UGT1A8: variants seen among roughly 807,000 people sequenced by gnomAD.
UGT1A8 encodes UDP-glucuronosyltransferase 1A8.
A neutral mutation model predicts 45.3 loss-of-function variants in UGT1A8; 39 were observed. The ratio of observed to expected loss-of-function variants is 0.86; its 90% CI spans 0.67 to 1.12. The LOEUF (loss-of-function observed/expected upper bound fraction) is 1.12, where lower values mean the gene tolerates loss of function less well. Among genes scored for constraint, UGT1A8 ranks in the 50% most tolerant of loss-of-function variants. The probability of loss-of-function intolerance (pLI) is 0.00; values close to 1 mark genes in which losing one functional copy is unlikely to be tolerated. For synonymous variants in UGT1A8, 275 were observed against 249.2 expected (o/e 1.10, Z -0.97); for missense variants, 719 against 664.9 (o/e 1.08, Z -0.90).
At chr2:233,664,325 AG>A (rs2125492565) in intron 1 of UGT1A8, among the ~76,000 whole-genome samples, 1 of 152,240 alleles carries the variant, frequency 6.6e-6, no homozygotes, top group South Asian at 2.1e-4. Context: ...CAAGTTCCAA[AG>A]TTGCTTCCAA....
At chr2:233,670,599 C>T (rs1381463250) in intron 1 of UGT1A8, among the ~76,000 whole-genome samples, 1 of 152,226 alleles carries the variant, frequency 6.6e-6, no homozygotes, top group Non-Finnish European at 1.5e-5. Context: ...TTCAAAAGCA[C>T]TCATCTCCAT....
chr2:233,719,860 C>G (rs995167263), intron 1 of UGT1A8, among the ~76,000 whole-genome samples: 4 of 152,118 alleles, frequency 2.6e-5, no homozygotes, highest in African/African-American at 9.7e-5. Flanking sequence ...TCAGTGGTCA[C>G]TGAGAGGAAG....
intron 1 of UGT1A8, chr2:233,672,710 T>C (rs1411947068): frequency 6.2e-7 from 1 of 1,613,972 alleles, no homozygotes; most frequent in South Asian, 1.1e-5. Context: ...GACTTTGTTT[T>C]GGACTATCCC....
intron 1 of UGT1A8, chr2:233,729,551 A>G (rs749535297): frequency 1.9e-6 from 3 of 1,614,038 alleles, no homozygotes; most frequent in Non-Finnish European, 2.5e-6. Flanking sequence ...AGGCACCTGA[A>G]TGCTACTTCC....
At chr2:233,704,490 AT>A (rs1395033136) in intron 1 of UGT1A8, among the ~76,000 whole-genome samples, 8 of 152,084 alleles carry the variant, frequency 5.3e-5, no homozygotes, top group African/African-American at 1.9e-4. Context: ...TTATGATATT[AT>A]TGTTATACGT....
chr2:233,706,586 G>A (rs992112289), intron 1 of UGT1A8, among the ~76,000 whole-genome samples: 1 of 152,142 alleles, frequency 6.6e-6, no homozygotes, highest in Non-Finnish European at 1.5e-5. Flanking sequence ...GGAGATGGGA[G>A]GTGGACCTAA....
intron 1 of UGT1A8, chr2:233,729,055 T>C (rs1328959185): frequency 6.2e-7 from 1 of 1,609,844 alleles, no homozygotes; most frequent in East Asian, 2.2e-5. Context: ...GACAAGGTAA[T>C]TAAGATGAAG....
chr2:233,695,246 C>T (rs994103006), intron 1 of UGT1A8, among the ~76,000 whole-genome samples: 1 of 151,774 alleles, frequency 6.6e-6, no homozygotes, highest in Non-Finnish European at 1.5e-5. Flanking sequence ...CTGCCTCAGC[C>T]TCCTGAGTAG....
intron 1 of UGT1A8, among the ~76,000 whole-genome samples, chr2:233,757,541 T>TATAC (rs1229454769): frequency 1.7e-5 from 2 of 117,592 alleles, no homozygotes; most frequent in Non-Finnish European, 3.6e-5. Flanking sequence ...AAGGAATATA[T>TATAC]ATATATATAT....
At chr2:233,708,257 A>G (rs2076010533) in intron 1 of UGT1A8, among the ~76,000 whole-genome samples, 1 of 152,194 alleles carries the variant, frequency 6.6e-6, no homozygotes, top group Admixed American at 6.5e-5. Flanking sequence ...ACTTTCCTTC[A>G]TATCCTTGCC....
intron 1 of UGT1A8, among the ~76,000 whole-genome samples, chr2:233,644,134 A>C (rs569497279): frequency 1.3e-5 from 2 of 151,998 alleles, no homozygotes; most frequent in African/African-American, 4.8e-5. Context: ...CTCACCTAAG[A>C]GTTGCAATCT....
chr2:233,637,941 C>A (rs2073344723), intron 1 of UGT1A8, among the ~76,000 whole-genome samples: 1 of 152,100 alleles, frequency 6.6e-6, no homozygotes, highest in African/African-American at 2.4e-5. Context: ...ACTTTGGATA[C>A]AATGTAGTTT....
chr2:233,690,799 AC>A, intron 1 of UGT1A8: 1 of 1,084,250 alleles, frequency 9.2e-7, no homozygotes, highest in Non-Finnish European at 1.1e-6. Context: ...ACACACACAC[AC>A]CATTCTTAGT....
chr2:233,754,301 G>C (rs576538259), intron 1 of UGT1A8: 100 of 236,450 alleles, frequency 4.2e-4, no homozygotes, highest in African/African-American at 2.0e-3. Flanking sequence ...CTAGCACTAG[G>C]AAATAATCAT....
chr2:233,699,798 C>T (rs1205226155), intron 1 of UGT1A8, among the ~76,000 whole-genome samples: 1 of 152,194 alleles, frequency 6.6e-6, no homozygotes, highest in Non-Finnish European at 1.5e-5. Flanking sequence ...CTCTCATATT[C>T]TGGAGTCATC....
chr2:233,667,164 C>T (rs2074096657), intron 1 of UGT1A8, among the ~76,000 whole-genome samples: 1 of 152,140 alleles, frequency 6.6e-6, no homozygotes, highest in Non-Finnish European at 1.5e-5. Context: ...GGTATATACC[C>T]AGTAATGGGA....
chr2:233,677,144 A>G (rs1460371629), intron 1 of UGT1A8, among the ~76,000 whole-genome samples: 2 of 152,182 alleles, frequency 1.3e-5, no homozygotes, highest in African/African-American at 4.8e-5. Context: ...GAGAAACAAC[A>G]TCTTAGCAAT....
Position 233,756,181 on chromosome 2 carries a change from G to A in UGT1A8, c.856-10853G>A, listed in dbSNP as rs998894236. 3.9e-5 allele frequency: 6 copies of A among 152,158 alleles called. No homozygotes were observed. In the South Asian group the frequency reaches 6.2e-4, roughly 16 times the overall value. The allele number at this position is 152,158 out of a possible 1,614,324, so 9.4% of individuals were successfully genotyped here. ...TTTCCTGGCTCATACTTTGAGAATC[G>A]CTAGTCTAGCAGAGTAGTCCCTGGT... is the stretch of plus-strand genomic sequence containing the variant. On this transcript the variant is annotated intron_variant, in intron 1 of 4. Coordinates refer to ENST00000373450, the MANE Select transcript of UGT1A8 (RefSeq NM_019076.5).
chr2:233,617,980 G>A lies in UGT1A8; in HGVS notation c.273G>A (p.Met91Ile). Residue 91 changes from methionine to isoleucine, a missense_variant, in exon 1 of 5, where the codon ATG (methionine) becomes ATA (isoleucine). By Grantham distance (10) the Met-to-Ile change is conservative. Coordinates refer to ENST00000373450, the MANE Select transcript of UGT1A8 (RefSeq NM_019076.5). ...YTLEDLDREF[M>I]DFADAQWKAQ... ...TGGAGGATCTGGACCGGGAATTCAT[G>A]GATTTCGCCGATGCTCAATGGAAAG... 1 of 1,614,172 alleles carries A rather than the reference G, an allele frequency of 6.2e-7. No individual in the cohort carries two copies. The highest frequency in any genetic ancestry group is 8.5e-7 in the Non-Finnish European group (1 of 1,180,038).
Sources: allele counts gnomAD v4.1 joint callset (sites outside exome capture counted in the v4.1 genomes callset), GRCh38; gene constraint gnomAD v4.1.1; transcripts MANE v1.5; gene names NCBI Gene and HGNC (gene_info 2026-07-23, HGNC 2026-07-21).